Variants in TUSC3 observed in about 807,000 individuals in gnomAD.
The protein encoded by TUSC3 is dolichyl-diphosphooligosaccharide--protein glycosyltransferase subunit TUSC3.
A neutral mutation model predicts 44.8 loss-of-function variants in TUSC3; 45 were observed. The observed-to-expected ratio is 1.00, with a 90% CI of 0.79 to 1.29. TUSC3 has a LOEUF of 1.29. Ranked by LOEUF, TUSC3 falls within the 50% of genes most tolerant of loss-of-function variation. The probability of loss-of-function intolerance (pLI) is 0.00; values close to 1 mark genes in which losing one functional copy is unlikely to be tolerated. For synonymous variants in TUSC3, 212 were observed against 152.9 expected (o/e 1.39, Z -2.85); for missense variants, 519 against 437.9 (o/e 1.19, Z -1.65).
the TUSC3 span, among the ~76,000 whole-genome samples, chr8:15,812,510 G>T: frequency 6.6e-6 from 1 of 152,080 alleles, no homozygotes; most frequent in Non-Finnish European, 1.5e-5. Context: ...ATATGGCCGT[G>T]GTTGCAACCA....
chr8:15,690,386 A>T (rs1424760676), intron 6 of TUSC3, among the ~76,000 whole-genome samples: 3 of 151,942 alleles, frequency 2.0e-5, no homozygotes, highest in Admixed American at 6.6e-5. Context: ...GTTTCTTACA[A>T]ATTCTGAATA....
chr8:15,705,555 T>G (rs1424646022), intron 6 of TUSC3, among the ~76,000 whole-genome samples: 1 of 152,122 alleles, frequency 6.6e-6, no homozygotes, highest in Non-Finnish European at 1.5e-5. Context: ...CTACAAGACT[T>G]ACCTTTAAAA....
In TUSC3 at chr8:15,656,655, G is replaced by A. The variant is rs1000990054; in HGVS notation, c.427-2852G>A. On this transcript the variant is annotated intron_variant, in intron 3 of 10. Coordinates refer to ENST00000503731, the MANE Select transcript of TUSC3 (RefSeq NM_006765.4). ...ACAGCTCTCCCAGGCCCAAGCCCAC[G>A]CAACAGCTCTCCCAGGCTGGTGTTG... Among the ~76,000 whole-genome samples the A allele has an allele frequency of 5.4e-5, 8 of 148,836 alleles. No individual in the cohort carries two copies. The South Asian group carries it at 6.4e-4, about 12-fold the overall frequency.
chr8:15,818,309 G>A, the TUSC3 span, among the ~76,000 whole-genome samples: 1 of 152,054 alleles, frequency 6.6e-6, no homozygotes, highest in Non-Finnish European at 1.5e-5. Flanking sequence ...TAACATTGTG[G>A]GACTTCAATA....
At chr8:15,475,000 T>C (rs894336106) in intron 1 of TUSC3, among the ~76,000 whole-genome samples, 7 of 152,196 alleles carry the variant, frequency 4.6e-5, no homozygotes, top group Non-Finnish European at 1.0e-4. Flanking sequence ...TTCCTTTTTT[T>C]TGATATTACC....
intron 1 of TUSC3, among the ~76,000 whole-genome samples, chr8:15,556,911 G>C (rs1802289963): frequency 6.7e-6 from 1 of 148,804 alleles, no homozygotes; most frequent in East Asian, 2.1e-4. Flanking sequence ...TTAGCCCTTT[G>C]TCAGATGAGT....
rs530187543 is a variant in TUSC3 at position 15,529,851 on chromosome 8, G to A, written n.189+46368G>A. The stretch of plus-strand genomic sequence containing the variant: ...TGTTGCCCAGGCCGGACTGCGGACT[G>A]CAATGGCGCAATCTCGGCTCACTGC... On this transcript the variant is annotated intron_variant and non_coding_transcript_variant, in intron 2 of 5. Coordinates refer to the TUSC3 transcript ENST00000503191. 1.6e-4 allele frequency among the ~76,000 whole-genome samples: 17 copies of A among 103,414 alleles called. 1 individual carries two copies. The highest frequency in any genetic ancestry group is 5.7e-3 in the Middle Eastern group (1 of 174). The allele number at this position is 103,414 out of a possible 152,430, so 67.8% of individuals were successfully genotyped here.
chr8:15,733,679 CT>C (rs1244619183), intron 7 of TUSC3: 2 of 155,150 alleles, frequency 1.3e-5, no homozygotes, highest in Non-Finnish European at 2.9e-5. Flanking sequence ...TTCATTTTTC[CT>C]GTGTTTTTTA....
intron 6 of TUSC3, among the ~76,000 whole-genome samples, chr8:15,694,233 A>G (rs896659904): frequency 3.9e-5 from 6 of 151,980 alleles, no homozygotes; most frequent in Admixed American, 3.9e-4. Context: ...GCCTGAGGTC[A>G]GGAGTTTCAT....
intron 1 of TUSC3, among the ~76,000 whole-genome samples, chr8:15,616,855 G>A (rs565282575): frequency 2.6e-4 from 39 of 152,162 alleles, no homozygotes; most frequent in Non-Finnish European, 5.0e-4. Flanking sequence ...GCAGGTCGCC[G>A]CATGCCTGGC....
chr8:15,663,967 C>T (rs1236654787), intron 5 of TUSC3, among the ~76,000 whole-genome samples: 5 of 151,788 alleles, frequency 3.3e-5, no homozygotes, highest in Non-Finnish European at 7.4e-5. Flanking sequence ...TTGATGTAGT[C>T]TCATCTCTGA....
chr8:15,453,544 C>T (rs966670102), intron 1 of TUSC3, among the ~76,000 whole-genome samples: 2 of 152,210 alleles, frequency 1.3e-5, no homozygotes, highest in Non-Finnish European at 2.9e-5. Context: ...AAATCACTTT[C>T]TTCTCCCATC....
At chr8:15,828,232 T>C in the TUSC3 span, among the ~76,000 whole-genome samples, 2 of 152,194 alleles carry the variant, frequency 1.3e-5, no homozygotes, top group African/African-American at 4.8e-5. Context: ...CCACCTCCTG[T>C]GATCCACCCG....
At chr8:15,652,678 A>G (rs1806966099) in intron 3 of TUSC3, among the ~76,000 whole-genome samples, 1 of 152,202 alleles carries the variant, frequency 6.6e-6, no homozygotes, top group African/African-American at 2.4e-5. Flanking sequence ...ATTTCATATA[A>G]GTAATAGATC....
At chr8:15,750,188 C>T (rs1311725486) in intron 9 of TUSC3, among the ~76,000 whole-genome samples, 1 of 151,726 alleles carries the variant, frequency 6.6e-6, no homozygotes, top group African/African-American at 2.4e-5. Context: ...ACTGTGTTAG[C>T]CAGGATGGTC....
chr8:15,531,044 C>T lies in TUSC3; in HGVS notation n.189+47561C>T, dbSNP rs75961302. On this transcript the variant is annotated intron_variant and non_coding_transcript_variant, in intron 2 of 5. Transcript: ENST00000503191. ...TCCGCATGTGTATAACTCCAGTAAA[C>T]ACACTGTGTGTGCTCACCTGCTAGG... 2.6e-3 allele frequency among the ~76,000 whole-genome samples: 400 copies of T among 152,244 alleles called. 4 individuals are homozygous for T. The highest frequency in any genetic ancestry group is 9.0e-3 in the African/African-American group (374 of 41,566).
At chr8:15,694,437 A>C (rs1045272270) in intron 6 of TUSC3, among the ~76,000 whole-genome samples, 1 of 14,594 alleles carries the variant, frequency 6.9e-5, no homozygotes, top group East Asian at 8.6e-4. Context: ...ACTCCATCCA[A>C]AAAAAAAAAA....
chr8:15,816,844 G>A, the TUSC3 span, among the ~76,000 whole-genome samples: 1 of 152,284 alleles, frequency 6.6e-6, no homozygotes, highest in African/African-American at 2.4e-5. Context: ...CCAAGTATGT[G>A]CTGATAGCAG....
the TUSC3 span, among the ~76,000 whole-genome samples, chr8:15,844,448 G>A: frequency 6.6e-6 from 1 of 152,016 alleles, no homozygotes; most frequent in Non-Finnish European, 1.5e-5. Context: ...ATCAATGATA[G>A]GACTATTTTC....
Sources: allele counts gnomAD v4.1 joint callset (sites outside exome capture counted in the v4.1 genomes callset), GRCh38; gene constraint gnomAD v4.1.1; transcripts MANE v1.5; gene names NCBI Gene and HGNC (gene_info 2026-07-23, HGNC 2026-07-21).